NXF3: variants seen among roughly 807,000 people sequenced by gnomAD.
NXF3 encodes the protein nuclear RNA export factor 3.
A neutral mutation model predicts 48.4 loss-of-function variants in NXF3; 34 were observed. The observed-to-expected ratio is 0.70, with a 90% CI of 0.53 to 0.93. The LOEUF (loss-of-function observed/expected upper bound fraction) is 0.93, where lower values mean the gene tolerates loss of function less well. Ranked by LOEUF, NXF3 falls within the 40% of genes least tolerant of loss-of-function variation. The probability of loss-of-function intolerance (pLI) is 0.00; values close to 1 mark genes in which losing one functional copy is unlikely to be tolerated. For synonymous variants in NXF3, 132 were observed against 145.7 expected, an observed-to-expected ratio of 0.91 and a Z score of 0.68; for missense variants, 359 against 406.1, an observed-to-expected ratio of 0.88 and a Z score of 1.00.
intron 16 of NXF3, among the ~76,000 whole-genome samples, 178 bp from the exon 17 acceptor site, chrX:103,078,810 C>T (rs1393351934): frequency 1.8e-5 from 2 of 111,876 alleles, no homozygotes; most frequent in Non-Finnish European, 3.8e-5. Context: ...AGGAATAATC[C>T]GCTCCCAGTG....
intron 1 of NXF3, among the ~76,000 whole-genome samples, chrX:103,090,500 T>A (rs1649403163): frequency 8.9e-6 from 1 of 112,123 alleles, no homozygotes; most frequent in African/African-American, 3.2e-5. Flanking sequence ...TTATAAAATC[T>A]TCAGGAATGA....
chrX:103,084,746 G>A lies in NXF3; in HGVS notation c.166C>T (p.His56Tyr). The change falls in exon 2 of 20, where the codon CAT (histidine) becomes TAT (tyrosine). Residue 56 changes from histidine (H) to tyrosine (Y), a missense_variant. His to Tyr is a moderately conservative substitution (Grantham distance 83). Transcript: ENST00000395065. ...HQQQDGDAAM[H>Y]GAHMDSPVRY... is the part of the protein sequence containing the mutation. ...ACTGGAGAGTCCATGTGGGCACCAT[G>A]CATTGCTGCATCTCCATCTTGCTGC... 8.3e-7 allele frequency: 1 copy of A among 1,211,806 alleles called. No individual in the cohort carries two copies. The highest frequency in any genetic ancestry group is 3.0e-5 in the East Asian group (1 of 33,864).
intron 9 of NXF3, chrX:103,081,730 A>G (rs748318568): frequency 8.7e-6 from 1 of 114,582 alleles, no homozygotes; most frequent in Non-Finnish European, 1.8e-5. Flanking sequence ...AAGAGATGGC[A>G]TGACAGCAGC....
intron 17 of NXF3, 102 bp from the exon 18 acceptor site, chrX:103,077,848 C>T: frequency 1.0e-6 from 1 of 968,210 alleles, no homozygotes; most frequent in Non-Finnish European, 1.4e-6. Context: ...TTCTTCGATA[C>T]CTCTACTGTG....
chrX:103,079,746 G>A lies in NXF3; in HGVS notation c.1160+17C>T, dbSNP rs192979812. On this transcript the variant is annotated intron_variant, in intron 13 of 19. Coordinates refer to ENST00000395065, the MANE Select transcript of NXF3 (RefSeq NM_022052.2). ...AGTCACATGGCCCTGGACCAGGGTC[G>A]GAGCTGTGATACTCACGGGGCTGAG... 2.6e-4 allele frequency: 313 copies of A among 1,199,922 alleles called. No homozygotes were observed. Among genetic ancestry groups the A allele is most frequent in the South Asian group, 1.6e-3 (89 of 56,337 alleles).
intron 1 of NXF3, 89 bp downstream of exon 1, chrX:103,092,907 T>G: frequency 1.1e-6 from 1 of 896,527 alleles, no homozygotes; most frequent in Non-Finnish European, 1.6e-6. Flanking sequence ...TGGCTGGGTG[T>G]TATGTGGGTT....
intron 18 of NXF3, among the ~76,000 whole-genome samples, chrX:103,077,243 C>CTTT (rs34811257): frequency 2.1e-4 from 13 of 62,601 alleles, no homozygotes; most frequent in Non-Finnish European, 3.3e-4. Context: ...GCACTCACTT[C>CTTT]TTTTTTTTTT....
rs780606846 is a variant in NXF3, at chrX:103,083,643, T to C, written c.401A>G (p.Gln134Arg). 8.3e-7 allele frequency: 1 copy of C among 1,210,329 alleles called. No individual in the cohort carries two copies. The highest frequency in any genetic ancestry group is 3.0e-5 in the East Asian group (1 of 33,837). ...YNEKWLLNLIQNECSVPFVPV... is the reference protein window; with the variant it reads ...YNEKWLLNLIRNECSVPFVPV... Reference sequence around the variant, plus strand: ...GACGAAGGGTACACTGCATTCATTCTGAATCAAATTCAGCAGCCACTTCTC... The same window carrying C: ...GACGAAGGGTACACTGCATTCATTCCGAATCAAATTCAGCAGCCACTTCTC... Residue 134 changes from glutamine to arginine, a missense_variant, in exon 4 of 20, where the codon CAG (glutamine) becomes CGG (arginine). Physicochemically the swap from Gln to Arg is conservative, Grantham distance 43. Transcript: ENST00000395065.
intron 1 of NXF3, among the ~76,000 whole-genome samples, chrX:103,091,442 A>G (rs1382206978): frequency 8.9e-6 from 1 of 111,842 alleles, no homozygotes; most frequent in African/African-American, 3.2e-5. Context: ...TTATTTAAAT[A>G]GCATTTACAT....
At chrX:103,078,326 G>C (rs1921921153) in intron 17 of NXF3, among the ~76,000 whole-genome samples, 1 of 111,857 alleles carries the variant, frequency 8.9e-6, no homozygotes, top group Non-Finnish European at 1.9e-5. Flanking sequence ...GGGTCTCACT[G>C]TGTTGCCTAG....
At chrX:103,077,499 G>C (rs190522207) in intron 18 of NXF3, 115 bp downstream of exon 18, 2 of 839,018 alleles carry the variant, frequency 2.4e-6, no homozygotes, top group Admixed American at 2.6e-5. Context: ...TGATTCGCCC[G>C]CCTCGGCCTC....
At position 103,083,014 on chromosome X, in the gene NXF3, T is replaced by C. The variant is rs766589540; in HGVS notation, c.681A>G (p.Pro227=). ...CTTTCTCAGCCATACCTGGGTAAAA[T>C]GGGAGTCTCTGGATATCAAGAGCTT... ...SQEALDIQRL[P]FYPDMVNRDT... The change falls in exon 7 of 20, where the codon CCA becomes CCG. Residue 227 remains proline (P), a synonymous_variant. Transcript: ENST00000395065. The C allele has an allele frequency of 8.3e-7, 1 of 1,206,512 alleles. No homozygotes were observed. Among genetic ancestry groups the C allele is most frequent in the Admixed American group, 2.2e-5 (1 of 45,677 alleles).
intron 1 of NXF3, chrX:103,087,812 C>A: frequency 2.2e-6 from 2 of 914,645 alleles, no homozygotes; most frequent in Admixed American, 2.4e-5. Flanking sequence ...AAAAATCCAC[C>A]AACTTACACA....
chrX:103,080,655 G>GTGGAGC, intron 9 of NXF3, 43 bp from the exon 10 acceptor site: 1 of 1,164,635 alleles, frequency 8.6e-7, no homozygotes, highest in Non-Finnish European at 1.2e-6. Flanking sequence ...AAGTGAAACT[G>GTGGAGC]TGGAGCTGTC....
chrX:103,091,623 T>G (rs1922276891), intron 1 of NXF3, among the ~76,000 whole-genome samples: 1 of 110,392 alleles, frequency 9.1e-6, no homozygotes, highest in South Asian at 3.9e-4. Context: ...AAGGGACAAC[T>G]GTACTTATTT....
chrX:103,084,296 C>T (rs1302564006), intron 3 of NXF3, 46 bp downstream of exon 3: 1 of 1,196,087 alleles, frequency 8.4e-7, no homozygotes, highest in Non-Finnish European at 1.1e-6. Context: ...CACAATTCCC[C>T]CTGTTCTCCT....
rs761178631 is a variant in NXF3 at position 103,085,472 on chromosome X, G to A, written c.29-589C>T. Among the ~76,000 whole-genome samples, 5 of 111,781 alleles carry A rather than the reference G, an allele frequency of 4.5e-5. No individual in the cohort carries two copies. The East Asian group carries it at 1.1e-3, about 25-fold the overall frequency. ...TAAAAGTTTGCTATTATGGCTCAAGGGTCAAAGGCAAGTTCCCTGCCTCAA... is the reference window on the plus strand; with the variant it reads ...TAAAAGTTTGCTATTATGGCTCAAGAGTCAAAGGCAAGTTCCCTGCCTCAA... On this transcript the variant is annotated intron_variant, in intron 1 of 19. Coordinates refer to ENST00000395065, the MANE Select transcript of NXF3 (RefSeq NM_022052.2).
At chrX:103,082,917 C>A in intron 7 of NXF3, 69 bp from the exon 8 acceptor site, 2 of 1,134,743 alleles carry the variant, frequency 1.8e-6, no homozygotes, top group South Asian at 1.8e-5. Flanking sequence ...TCAGCACTAA[C>A]CCCTCCCCAA....
intron 17 of NXF3, 98 bp downstream of exon 17, chrX:103,078,462 T>C (rs755551077): frequency 8.6e-7 from 1 of 1,158,429 alleles, no homozygotes; most frequent in Non-Finnish European, 1.2e-6. Context: ...TGTCGGTTTT[T>C]TACAACATTG....
Sources: allele counts gnomAD v4.1 joint callset (sites outside exome capture counted in the v4.1 genomes callset), GRCh38; gene constraint gnomAD v4.1.1; transcripts MANE v1.5; gene names NCBI Gene and HGNC (gene_info 2026-07-23, HGNC 2026-07-21).